The following TPD52L2 variants were observed in gnomAD, a reference collection of about 807,000 sequenced individuals.
TPD52L2 encodes TPD52 like 2.
Under a neutral mutation model 24.7 loss-of-function variants are expected in TPD52L2, and 19 were observed. The observed-to-expected ratio is 0.77, with a 90% CI of 0.54 to 1.13. The LOEUF (loss-of-function observed/expected upper bound fraction) is 1.13, where lower values mean the gene tolerates loss of function less well. Ranked by LOEUF, TPD52L2 falls within the 50% of genes most tolerant of loss-of-function variation. The pLI is 0.00. For synonymous variants in TPD52L2, 104 were observed against 100.2 expected, an observed-to-expected ratio of 1.04 and a Z score of -0.23; for missense variants, 236 against 250.4, an observed-to-expected ratio of 0.94 and a Z score of 0.39.
chr20:63,878,916 C>T (rs571003623), intron 4 of TPD52L2, among the ~76,000 whole-genome samples: 56 of 152,360 alleles, frequency 3.7e-4, no homozygotes, highest in South Asian at 1.4e-3. Context: ...CCGGGCTCAG[C>T]TTCCCCATCT....
intron 5 of TPD52L2, chr20:63,887,501 T>G: frequency 6.4e-7 from 1 of 1,567,428 alleles, no homozygotes; most frequent in Non-Finnish European, 8.8e-7. Context: ...CAAGTTGGGG[T>G]TGTGTGTGGA....
In TPD52L2 at chr20:63,869,397, C is replaced by T. The variant is rs771267767; in HGVS notation, c.121C>T (p.Leu41=). 6 of 1,614,090 alleles carry T rather than the reference C, an allele frequency of 3.7e-6. No homozygotes were observed. Among genetic ancestry groups the T allele is most frequent in the Non-Finnish European group, 5.1e-6 (6 of 1,180,046 alleles). ...VAARTPAVEG[L]TEAEEEELRA... is the part of the protein sequence containing the mutation. ...TGCCCGGACTCCTGCTGTTGAGGGT[C>T]TGACAGAGGCTGAGGAGGAGGAGCT... The change falls in exon 2 of 7, where the codon CTG becomes TTG. Residue 41 remains leucine (L), a synonymous_variant. Coordinates refer to ENST00000346249, the MANE Select transcript of TPD52L2 (RefSeq NM_003288.4).
intron 3 of TPD52L2, among the ~76,000 whole-genome samples, chr20:63,874,948 T>C (rs1055578618): frequency 1.3e-5 from 2 of 152,042 alleles, no homozygotes; most frequent in Non-Finnish European, 1.5e-5. Context: ...AAGACTAGCC[T>C]GACCAACATG....
At chr20:63,886,400 G>C (rs535966959) in intron 5 of TPD52L2, among the ~76,000 whole-genome samples, 6 of 150,620 alleles carry the variant, frequency 4.0e-5, no homozygotes, top group East Asian at 2.0e-4. Context: ...TTGCTCTGTC[G>C]CCCAGGTTGG....
At chr20:63,889,022 C>T (rs2053233071) in intron 5 of TPD52L2, 168 bp from the exon 6 acceptor site, 1 of 654,016 alleles carries the variant, frequency 1.5e-6, no homozygotes, top group East Asian at 2.7e-5. Context: ...CACTTTTGAC[C>T]TGGGGAGTCT....
rs533876010 is a variant in TPD52L2, at chr20:63,883,204, G to A, written c.476+384G>A. Among the ~76,000 whole-genome samples the A allele has an allele frequency of 8.5e-5, 13 of 152,246 alleles. No homozygotes were observed. The South Asian group carries it at 1.7e-3, about 19-fold the overall frequency. ...TCCACCATCTCTAGGACAGGGGCTCGGCGTGGTACTTCCTCAGGCTGTTTC... is the reference window on the plus strand; with the variant it reads ...TCCACCATCTCTAGGACAGGGGCTCAGCGTGGTACTTCCTCAGGCTGTTTC... On this transcript the variant is annotated intron_variant, in intron 5 of 6. Transcript: ENST00000346249.
chr20:63,886,205 A>G (rs1244765776), intron 5 of TPD52L2, among the ~76,000 whole-genome samples: 9 of 152,054 alleles, frequency 5.9e-5, no homozygotes, highest in Non-Finnish European at 8.8e-5. Context: ...CATCTCAGGG[A>G]ACAAAGCAGC....
chr20:63,872,140 G>C (rs1315406752), intron 2 of TPD52L2, among the ~76,000 whole-genome samples: 1 of 149,342 alleles, frequency 6.7e-6, no homozygotes, highest in Non-Finnish European at 1.5e-5. Flanking sequence ...AAGCACAAAA[G>C]ATAATTTACC....
chr20:63,871,815 G>A (rs2052476579), intron 2 of TPD52L2, among the ~76,000 whole-genome samples: 1 of 151,626 alleles, frequency 6.6e-6, no homozygotes, highest in Non-Finnish European at 1.5e-5. Flanking sequence ...TGTATTTTTG[G>A]TAGAGACGGC....
chr20:63,872,124 T>A (rs1275797066), intron 2 of TPD52L2, among the ~76,000 whole-genome samples: 1 of 150,846 alleles, frequency 6.6e-6, no homozygotes, highest in Non-Finnish European at 1.5e-5. Flanking sequence ...CAGTTCTAAC[T>A]ACGTTAAGCA....
In TPD52L2 at chr20:63,877,887, C is replaced by G. The variant is rs530637256; in HGVS notation, c.374+2012C>G. Among the ~76,000 whole-genome samples the G allele has an allele frequency of 7.2e-5, 11 of 151,926 alleles. No homozygotes were observed. The highest frequency in any genetic ancestry group is 1.3e-4 in the Non-Finnish European group (9 of 68,026). On this transcript the variant is annotated intron_variant, in intron 4 of 6. Transcript: ENST00000346249. The surrounding 1 kb of genome is among the most constrained non-coding windows in gnomAD (Gnocchi z 4.1). ...CCCAGGCCGAGGGCGATGGTTTCTG[C>G]CGGGACGGCCCAGGCCGAGGGCGAT...
chr20:63,865,747 C>G (rs1486795130), intron 1 of TPD52L2, among the ~76,000 whole-genome samples: 1 of 140,396 alleles, frequency 7.1e-6, no homozygotes, highest in Non-Finnish European at 1.5e-5. Flanking sequence ...CTGCCACCCC[C>G]CGGTCCCTGC....
intron 2 of TPD52L2, among the ~76,000 whole-genome samples, chr20:63,870,520 G>GTTTTTTT (rs959786861): frequency 4.8e-4 from 45 of 94,556 alleles, no homozygotes; most frequent in Admixed American, 5.7e-4. Context: ...ATAAGGTGAA[G>GTTTTTTT]TTTTTTTTTT....
intron 2 of TPD52L2, among the ~76,000 whole-genome samples, chr20:63,871,118 C>T (rs1261555539): frequency 6.6e-6 from 1 of 152,070 alleles, no homozygotes; most frequent in Non-Finnish European, 1.5e-5. Flanking sequence ...TCTCAGCTCA[C>T]TGGAGCCTCT....
rs2053302369 is a variant in TPD52L2 at position 63,891,012 on chromosome 20, G to C, written c.*1067G>C. The stretch of plus-strand genomic sequence containing the variant: ...CTGCTTGCTGTACTTGGGATGAAAC[G>C]ACCCCACAGGTCAGGTGGAGGGTGG... On this transcript the variant is annotated 3_prime_UTR_variant, in exon 7 of 7. Transcript: ENST00000346249. This position sits in a 1 kb window ranked among gnomAD's most constrained non-coding sequence, Gnocchi z 4.7. The C allele has an allele frequency of 6.6e-6, 1 of 152,600 alleles. No homozygotes were observed. Among genetic ancestry groups the C allele is most frequent in the South Asian group, 2.1e-4 (1 of 4,834 alleles). 9.5% of individuals were successfully genotyped at this position (152,600 alleles called of 1,614,324 possible).
chr20:63,881,752 A>C (rs1327482152), intron 4 of TPD52L2, among the ~76,000 whole-genome samples: 1 of 152,154 alleles, frequency 6.6e-6, no homozygotes, highest in African/African-American at 2.4e-5. Flanking sequence ...CCCTGGCTTC[A>C]CTGAGGGAGG....
At chr20:63,889,288 C>A in intron 6 of TPD52L2, 50 bp downstream of exon 6, 1 of 1,496,264 alleles carries the variant, frequency 6.7e-7, no homozygotes. Context: ...TGACCTGTTA[C>A]AGCAACTTGT....
At chr20:63,878,320 A>G (rs1416138617) in intron 4 of TPD52L2, among the ~76,000 whole-genome samples, 1 of 152,260 alleles carries the variant, frequency 6.6e-6, no homozygotes. Flanking sequence ...ATGCGAGAGC[A>G]GCTGTGTTCT....
At chr20:63,866,771 T>TA (rs531530589) in intron 1 of TPD52L2, among the ~76,000 whole-genome samples, 5,824 of 149,914 alleles carry the variant, frequency 0.039, 308 homozygotes, top group East Asian at 0.24. Flanking sequence ...TTTTTTTTTT[T>TA]TTTTTAATTT....
Sources: allele counts gnomAD v4.1 joint callset (sites outside exome capture counted in the v4.1 genomes callset), GRCh38; gene constraint gnomAD v4.1.1; non-coding constraint Gnocchi (gnomAD v3.1); transcripts MANE v1.5; gene names NCBI Gene and HGNC (gene_info 2026-07-23, HGNC 2026-07-21).